CEP43: variants seen among roughly 807,000 people sequenced by gnomAD.
CEP43 encodes the protein FGFR1 oncogene partner.
Under a neutral mutation model 52.6 loss-of-function variants are expected in CEP43, and 36 were observed. That is an observed-to-expected ratio of 0.68 (90% CI 0.52 to 0.90). CEP43 has a LOEUF of 0.90. Among genes scored for constraint, CEP43 ranks in the 40% least tolerant of loss-of-function variants. The probability of loss-of-function intolerance (pLI) is 0.00; values close to 1 mark genes in which losing one functional copy is unlikely to be tolerated. For missense variants in CEP43, 506 were observed against 472.8 expected (o/e 1.07, Z -0.65); for synonymous variants, 192 against 172.4 (o/e 1.11, Z -0.89).
chr6:167,047,716 C>T lies in CEP43; in HGVS notation c.*7738C>T, dbSNP rs926579080. 1.3e-5 allele frequency: 2 copies of T among 152,164 alleles called. No homozygotes were observed. Among genetic ancestry groups the T allele is most frequent in the African/African-American group, 4.8e-5 (2 of 41,438 alleles). 9.4% of individuals were successfully genotyped at this position (152,164 alleles called of 1,614,324 possible). ...TCCTCCTCAAAGCTCTCGCCCCGCG[C>T]CGAGCTACTGTGATGTATTTTTATG... is the stretch of plus-strand genomic sequence containing the variant. On this transcript the variant is annotated 3_prime_UTR_variant, in exon 13 of 13. Coordinates refer to ENST00000366847, the MANE Select transcript of CEP43 (RefSeq NM_007045.4).
chr6:167,026,871 G>T (rs185578637), intron 10 of CEP43, among the ~76,000 whole-genome samples: 32 of 152,308 alleles, frequency 2.1e-4, no homozygotes, highest in Admixed American at 5.2e-4. Flanking sequence ...CATTAAACGG[G>T]CATCTACAGA....
At chr6:167,022,188 G>A (rs1165425511) in intron 7 of CEP43, among the ~76,000 whole-genome samples, 1 of 151,630 alleles carries the variant, frequency 6.6e-6, no homozygotes, top group Non-Finnish European at 1.5e-5. Context: ...AGTTTGCCAT[G>A]TTAGGAATCC....
At chr6:167,003,347 C>A in intron 3 of CEP43, 100 bp downstream of exon 3, 1 of 626,712 alleles carries the variant, frequency 1.6e-6, no homozygotes, top group South Asian at 2.2e-5. Context: ...TTTTTGTCTT[C>A]AATTGTTATA....
chr6:167,022,444 T>C lies in CEP43; in HGVS notation c.615T>C (p.Ser205=). ...ATGAGGCCAATCAGAGTGATACAAGTGTCTCCTTGTCAGAACCCAAGAGCA... is the reference window on the plus strand; with the variant it reads ...ATGAGGCCAATCAGAGTGATACAAGCGTCTCCTTGTCAGAACCCAAGAGCA... ...ANDEANQSDT[S]VSLSEPKSKS... Residue 205 remains serine, a synonymous_variant, in exon 8 of 13, where the codon AGT becomes AGC. Coordinates refer to ENST00000366847, the MANE Select transcript of CEP43 (RefSeq NM_007045.4). 7 of 1,614,078 alleles carry C rather than the reference T, an allele frequency of 4.3e-6. No homozygotes were observed. Among genetic ancestry groups the C allele is most frequent in the Non-Finnish European group, 5.9e-6 (7 of 1,179,956 alleles).
intron 12 of CEP43, 118 bp downstream of exon 12, chr6:167,034,089 TC>T: frequency 2.1e-6 from 1 of 470,578 alleles, no homozygotes; most frequent in South Asian, 4.6e-5. Flanking sequence ...TTATGAAAAG[TC>T]ATGACAGAGA....
In CEP43 at chr6:167,041,123, A is replaced by C. The variant is rs1204649978; in HGVS notation, c.*1145A>C. 1.9e-6 allele frequency: 2 copies of C among 1,042,552 alleles called. No individual in the cohort carries two copies. Among genetic ancestry groups the C allele is most frequent in the Non-Finnish European group, 2.3e-6 (2 of 865,020 alleles). 64.6% of individuals were successfully genotyped at this position (1,042,552 alleles called of 1,614,324 possible). A position where few individuals can be genotyped will look rare whatever the true frequency, so the allele number is the denominator to read the frequency against. ...AATTAAGTTGCGGCTTTTTACTACA[A>C]GTTAACTTTATTAGTAAAAGGAGCA... On this transcript the variant is annotated 3_prime_UTR_variant, in exon 13 of 13. Transcript: ENST00000366847.
At chr6:167,022,762 C>T (rs1256425750) in intron 8 of CEP43, 127 bp downstream of exon 8, 5 of 674,388 alleles carry the variant, frequency 7.4e-6, no homozygotes, top group Middle Eastern at 3.2e-4. Context: ...TCTGACTATG[C>T]GTTGTTAATG....
At chr6:167,014,536 A>G (rs1286686352) in intron 7 of CEP43, among the ~76,000 whole-genome samples, 1 of 152,250 alleles carries the variant, frequency 6.6e-6, no homozygotes, top group Non-Finnish European at 1.5e-5. Context: ...TGTGAGATTC[A>G]TTAGTCCTAT....
rs751339665 is a variant in CEP43, at chr6:167,040,328, G to T, written c.*350G>T. On this transcript the variant is annotated 3_prime_UTR_variant, in exon 13 of 13. Transcript: ENST00000366847. ...CGTAGGATCGCGCAACCCTTTGTGT[G>T]TGTGGCTGCTGGTACGTGTGATCTT... The T allele has an allele frequency of 4.2e-6, 6 of 1,423,114 alleles. No individual in the cohort carries two copies. Among genetic ancestry groups the T allele is most frequent in the Admixed American group, 5.9e-5 (2 of 34,042 alleles). The allele number at this position is 1,423,114 out of a possible 1,614,324, so 88.2% of individuals were successfully genotyped here. A position where few individuals can be genotyped will look rare whatever the true frequency, so the allele number is the denominator to read the frequency against.
chr6:167,026,762 C>A, intron 10 of CEP43, 147 bp downstream of exon 10: 1 of 620,348 alleles, frequency 1.6e-6, no homozygotes, highest in Non-Finnish European at 2.9e-6. Flanking sequence ...TTTATGTGTT[C>A]AGGATTACAC....
At position 167,004,346 on chromosome 6, in the gene CEP43, T is replaced by C; in HGVS notation, c.383T>C (p.Leu128Ser). 15 of 1,611,662 alleles carry C rather than the reference T, an allele frequency of 9.3e-6. No homozygotes were observed. The highest frequency in any genetic ancestry group is 1.3e-5 in the Non-Finnish European group (15 of 1,178,708). Residue 128 changes from leucine (L) to serine (S), a missense_variant, in exon 5 of 13, where the codon TTA becomes TCA. Leu to Ser is a moderately radical substitution (Grantham distance 145, BLOSUM62 -2). Transcript: ENST00000366847. ...EAEGTVGGPL[L>S]LEVIRRCQQK... Reference sequence around the variant, plus strand: ...GAAGGTACTGTGGGTGGACCCTTATTATTAGAAGTGATCAGGCGCTGTCAA... The same window carrying C: ...GAAGGTACTGTGGGTGGACCCTTATCATTAGAAGTGATCAGGCGCTGTCAA...
In CEP43 at chr6:167,032,536, G is replaced by A. The variant is rs887679077; in HGVS notation, c.989-67G>A. On this transcript the variant is annotated intron_variant, in intron 10 of 12. Transcript: ENST00000366847. ...TATAATTAATTTTTTTTAAGGAAAT[G>A]TGTGTTTAATGGTAGGTAAATTGTG... The A allele has an allele frequency of 7.9e-6, 11 of 1,395,040 alleles. No homozygotes were observed. In the African/African-American group the frequency reaches 1.3e-4, roughly 16 times the overall value. The allele number at this position is 1,395,040 out of a possible 1,614,324, so 86.4% of individuals were successfully genotyped here.
Position 167,004,496 on chromosome 6 carries a change from C to G in CEP43, c.438+95C>G, listed in dbSNP as rs569275694. 2.0e-5 allele frequency: 21 copies of G among 1,043,874 alleles called. No individual in the cohort carries two copies. In the East Asian group the frequency reaches 6.1e-4, roughly 30 times the overall value. 64.7% of individuals were successfully genotyped at this position (1,043,874 alleles called of 1,614,324 possible). ...TGCATATATAGTAAATTAAGGTTTTCATACTAGAAGATATTCCTTAAAAAC... is the reference window on the plus strand; with the variant it reads ...TGCATATATAGTAAATTAAGGTTTTGATACTAGAAGATATTCCTTAAAAAC... On this transcript the variant is annotated intron_variant, in intron 5 of 12. Coordinates refer to ENST00000366847, the MANE Select transcript of CEP43 (RefSeq NM_007045.4).
rs1780359501 is a variant in CEP43 at position 167,026,523 on chromosome 6, G to A, written c.920-24G>A. ...CTGTTATATTCTAAGTCACTCTAATGTTAATATTTTCTCCTGTTCACAGGT... is the reference window on the plus strand; with the variant it reads ...CTGTTATATTCTAAGTCACTCTAATATTAATATTTTCTCCTGTTCACAGGT... On this transcript the variant is annotated intron_variant, in intron 9 of 12. Transcript: ENST00000366847. The A allele has an allele frequency of 2.1e-6, 3 of 1,445,084 alleles. No individual in the cohort carries two copies. In the East Asian group the frequency reaches 6.8e-5, roughly 33 times the overall value. 89.5% of individuals were successfully genotyped at this position (1,445,084 alleles called of 1,614,324 possible). A position where few individuals can be genotyped will look rare whatever the true frequency, so the allele number is the denominator to read the frequency against.
intron 12 of CEP43, among the ~76,000 whole-genome samples, chr6:167,034,342 CAG>C (rs1780537613): frequency 6.6e-6 from 1 of 152,138 alleles, no homozygotes; most frequent in Non-Finnish European, 1.5e-5. Flanking sequence ...GCCTGGAGTG[CAG>C]AGAGTGTGGT....
In CEP43 at chr6:167,047,763, A is replaced by G. The variant is rs1015511078; in HGVS notation, c.*7785A>G. The stretch of plus-strand genomic sequence containing the variant: ...TATGACCTGGCAGCTTTTTTCTCAT[A>G]TCCCTGTTAGCGGTATGTGGTAAGA... On this transcript the variant is annotated 3_prime_UTR_variant, in exon 13 of 13. Transcript: ENST00000366847. 6.6e-6 allele frequency: 1 copy of G among 151,902 alleles called. No individual in the cohort carries two copies. Among genetic ancestry groups the G allele is most frequent in the Non-Finnish European group, 1.5e-5 (1 of 68,022 alleles). 9.4% of individuals were successfully genotyped at this position (151,902 alleles called of 1,614,324 possible). A position where few individuals can be genotyped will look rare whatever the true frequency, so the allele number is the denominator to read the frequency against.
At position 167,032,730 on chromosome 6, in the gene CEP43, G is replaced by T. The variant is rs555956507; in HGVS notation, c.1028+88G>T. ...CAGACAAGACAAAATTACATTTGGT[G>T]CTTATTTTAATGTATTTGATTCTGT... On this transcript the variant is annotated intron_variant, in intron 11 of 12. Transcript: ENST00000366847. 2,047 of 1,207,618 alleles carry T rather than the reference G, an allele frequency of 1.7e-3. 3 individuals carry two copies. Among genetic ancestry groups the T allele is most frequent in the Non-Finnish European group, 2.2e-3 (1,907 of 872,638 alleles). The allele number at this position is 1,207,618 out of a possible 1,614,324, so 74.8% of individuals were successfully genotyped here. A position where few individuals can be genotyped will look rare whatever the true frequency, so the allele number is the denominator to read the frequency against.
chr6:167,008,239 C>T lies in CEP43; in HGVS notation c.439-2574C>T, dbSNP rs369007549. 3.9e-5 allele frequency among the ~76,000 whole-genome samples: 6 copies of T among 152,088 alleles called. No homozygotes were observed. The East Asian group carries it at 7.7e-4, about 20-fold the overall frequency. ...TCTTATTTCGTTATTCTATCCTCCA[C>T]TTGGAATTATACTCTTTCCCCTTCC... On this transcript the variant is annotated intron_variant, in intron 5 of 12. Coordinates refer to ENST00000366847, the MANE Select transcript of CEP43 (RefSeq NM_007045.4).
chr6:167,036,412 T>A (rs1193069749), intron 12 of CEP43: 4 of 985,162 alleles, frequency 4.1e-6, no homozygotes. Flanking sequence ...GAGGATGAAC[T>A]AGGAGCAGAG....
Sources: gnomAD v4.1 joint callset for allele counts (sites outside exome capture counted in the v4.1 genomes callset) on GRCh38, gnomAD v4.1.1 for gene constraint, MANE v1.5 for transcripts, NCBI Gene and HGNC (gene_info 2026-07-23, HGNC 2026-07-21) for gene names.